The following TMPRSS11F variants were observed in gnomAD, a reference collection of about 807,000 sequenced individuals.
TMPRSS11F encodes the protein transmembrane serine protease 11F.
A neutral mutation model predicts 60.2 loss-of-function variants in TMPRSS11F; 47 were observed. That is an observed-to-expected ratio of 0.78 (90% confidence interval 0.62 to 1.00). The LOEUF (loss-of-function observed/expected upper bound fraction) is 1.00. TMPRSS11F is among the 50% of genes least tolerant of loss of function. The pLI is 0.00. For synonymous variants in TMPRSS11F, 166 were observed against 167.3 expected, an observed-to-expected ratio of 0.99 and a Z score of 0.06; for missense variants, 519 against 522.9, an observed-to-expected ratio of 0.99 and a Z score of 0.07.
At chr4:68,117,722 T>A (rs556805604) in intron 1 of TMPRSS11F, among the ~76,000 whole-genome samples, 85 of 152,120 alleles carry the variant, frequency 5.6e-4, no homozygotes, top group Non-Finnish European at 9.0e-4. Flanking sequence ...CAACTGTCAA[T>A]TCACTGAATT....
intron 4 of TMPRSS11F, among the ~76,000 whole-genome samples, chr4:68,072,789 GA>G (rs1263116951): frequency 6.6e-6 from 1 of 152,110 alleles, no homozygotes; most frequent in Non-Finnish European, 1.5e-5. Flanking sequence ...AGATGTTGGT[GA>G]AATCATGCTT....
At chr4:68,087,244 T>C (rs886503214) in intron 3 of TMPRSS11F, among the ~76,000 whole-genome samples, 1 of 152,072 alleles carries the variant, frequency 6.6e-6, no homozygotes, top group African/African-American at 2.4e-5. Flanking sequence ...ATTCACCATA[T>C]GAACAGAATT....
intron 2 of TMPRSS11F, among the ~76,000 whole-genome samples, chr4:68,091,142 C>T (rs1723921792): frequency 2.0e-5 from 3 of 152,062 alleles, no homozygotes; most frequent in Admixed American, 2.0e-4. Flanking sequence ...CAATCTGTTC[C>T]TAACACACCA....
intron 1 of TMPRSS11F, among the ~76,000 whole-genome samples, chr4:68,101,083 G>T (rs989715054): frequency 1.3e-5 from 2 of 152,142 alleles, no homozygotes; most frequent in African/African-American, 4.8e-5. Context: ...AATGTAAGGG[G>T]TTGATAGCCA....
chr4:68,127,455 A>G (rs1170662992), intron 1 of TMPRSS11F, among the ~76,000 whole-genome samples: 1 of 152,006 alleles, frequency 6.6e-6, no homozygotes, highest in African/African-American at 2.4e-5. Flanking sequence ...TCTCTGCCTC[A>G]CTTGCAGAGG....
chr4:68,063,305 A>G (rs1236585938), intron 8 of TMPRSS11F: 15 of 528,686 alleles, frequency 2.8e-5, no homozygotes, highest in African/African-American at 7.8e-5. Context: ...CTGATGGCGG[A>G]AACTTAAGTA....
intron 2 of TMPRSS11F, among the ~76,000 whole-genome samples, chr4:68,095,658 G>C (rs1724058186): frequency 6.6e-6 from 1 of 152,076 alleles, no homozygotes; most frequent in Admixed American, 6.6e-5. Context: ...AGCACTTTGG[G>C]AGGCCAAGTC....
chr4:68,106,482 G>A lies in TMPRSS11F; in HGVS notation c.12-7444C>T, dbSNP rs142983218. Among the ~76,000 whole-genome samples, 116 of 152,212 alleles carry A rather than the reference G, an allele frequency of 7.6e-4. 1 individual carries two copies. Among genetic ancestry groups the A allele is most frequent in the African/African-American group, 2.7e-3 (111 of 41,532 alleles). ...CCAAAGATAAGAAACACTAATCAGAGGATTGCAAAAAATGTCCTTGGATTT... is the reference window on the plus strand; with the variant it reads ...CCAAAGATAAGAAACACTAATCAGAAGATTGCAAAAAATGTCCTTGGATTT... On this transcript the variant is annotated intron_variant, in intron 1 of 9. Coordinates refer to ENST00000356291, the MANE Select transcript of TMPRSS11F (RefSeq NM_207407.2).
rs569177005 is a variant in TMPRSS11F at position 68,096,122 on chromosome 4, A to G, written c.163+2765T>C. 3.0e-5 allele frequency among the ~76,000 whole-genome samples: 4 copies of G among 135,420 alleles called. No individual in the cohort carries two copies. The South Asian group carries it at 6.7e-4, about 23-fold the overall frequency. The allele number at this position is 135,420 out of a possible 152,430, so 88.8% of individuals were successfully genotyped here. Reference sequence around the variant, plus strand: ...ATAATGAATATCAGTCAATAATTTAAAAAAAAAACCAGACTAAAGCTGCCT... The same window carrying G: ...ATAATGAATATCAGTCAATAATTTAGAAAAAAAACCAGACTAAAGCTGCCT... On this transcript the variant is annotated intron_variant, in intron 2 of 9. Transcript: ENST00000356291.
intron 1 of TMPRSS11F, among the ~76,000 whole-genome samples, chr4:68,107,639 A>T (rs76927299): frequency 0.036 from 5,431 of 152,272 alleles, 273 homozygotes; most frequent in African/African-American, 0.11. Flanking sequence ...AGAGATCATT[A>T]TAGACCACAT....
intron 1 of TMPRSS11F, 55 bp downstream of exon 1, chr4:68,129,755 A>G: frequency 6.4e-7 from 1 of 1,573,196 alleles, no homozygotes; most frequent in Non-Finnish European, 8.7e-7. Flanking sequence ...TGTCTCAGGA[A>G]TTGTAAACCT....
intron 1 of TMPRSS11F, among the ~76,000 whole-genome samples, chr4:68,108,213 T>C (rs780409895): frequency 6.6e-6 from 1 of 152,160 alleles, no homozygotes. Flanking sequence ...ATGAATTGGT[T>C]GTAGAAATGA....
intron 1 of TMPRSS11F, among the ~76,000 whole-genome samples, chr4:68,116,356 A>T (rs1263939154): frequency 6.6e-6 from 1 of 152,208 alleles, no homozygotes. Context: ...ATGCACAGAT[A>T]AATGGAAGGA....
intron 1 of TMPRSS11F, among the ~76,000 whole-genome samples, chr4:68,116,266 C>T (rs916792713): frequency 6.6e-6 from 1 of 152,022 alleles, no homozygotes; most frequent in Non-Finnish European, 1.5e-5. Flanking sequence ...AATATTCATA[C>T]ATTGGTGTTG....
chr4:68,085,622 A>G (rs1483505078), intron 3 of TMPRSS11F, among the ~76,000 whole-genome samples: 1 of 152,216 alleles, frequency 6.6e-6, no homozygotes, highest in Non-Finnish European at 1.5e-5. Context: ...AAAGGCATAC[A>G]GTGGCAAGTT....
intron 1 of TMPRSS11F, among the ~76,000 whole-genome samples, chr4:68,108,214 G>T (rs1166821753): frequency 3.3e-5 from 5 of 152,200 alleles, no homozygotes; most frequent in Non-Finnish European, 7.3e-5. Flanking sequence ...TGAATTGGTT[G>T]TAGAAATGAC....
intron 3 of TMPRSS11F, among the ~76,000 whole-genome samples, chr4:68,089,634 T>A (rs1723884160): frequency 6.6e-6 from 1 of 152,148 alleles, no homozygotes; most frequent in Admixed American, 6.6e-5. Flanking sequence ...GAAATGGAAA[T>A]GCTCTTATTG....
chr4:68,089,083 G>T (rs1434869679), intron 3 of TMPRSS11F, among the ~76,000 whole-genome samples: 1 of 151,700 alleles, frequency 6.6e-6, no homozygotes, highest in African/African-American at 2.4e-5. Context: ...AACCAAAAAA[G>T]GGTCCAAATC....
intron 7 of TMPRSS11F, among the ~76,000 whole-genome samples, chr4:68,066,482 A>T (rs971859779): frequency 1.3e-5 from 2 of 152,196 alleles, no homozygotes; most frequent in Non-Finnish European, 2.9e-5. Context: ...GGTTAGTGCC[A>T]AAAGGAGATG....
Sources: allele counts gnomAD v4.1 joint callset (sites outside exome capture counted in the v4.1 genomes callset), GRCh38; gene constraint gnomAD v4.1.1; transcripts MANE v1.5; gene names NCBI Gene and HGNC (gene_info 2026-07-23, HGNC 2026-07-21).